The following NCALD variants were observed in gnomAD, a reference collection of about 807,000 sequenced individuals.
The protein encoded by NCALD is neurocalcin delta.
A neutral mutation model predicts 18.6 loss-of-function variants in NCALD; 10 were observed. That is an observed-to-expected ratio of 0.54 (90% CI 0.33 to 0.91). The LOEUF is 0.91. Among genes scored for constraint, NCALD ranks in the 40% least tolerant of loss-of-function variants. NCALD has a pLI of 0.03. For synonymous variants in NCALD, 88 were observed against 87.4 expected, an observed-to-expected ratio of 1.01 and a Z score of -0.04; for missense variants, 184 against 247.6, an observed-to-expected ratio of 0.74 and a Z score of 1.72.
At chr8:101,976,030 G>A (rs1820410888) in intron 2 of NCALD, among the ~76,000 whole-genome samples, 1 of 151,970 alleles carries the variant, frequency 6.6e-6, no homozygotes. Flanking sequence ...GCTTCCTCCC[G>A]CCAAGATGCC....
intron 3 of NCALD, among the ~76,000 whole-genome samples, chr8:101,897,990 T>C (rs909189968): frequency 1.3e-5 from 2 of 152,172 alleles, no homozygotes; most frequent in Non-Finnish European, 2.9e-5. Flanking sequence ...CTGATGGTTT[T>C]GTCAGGGGCT....
chr8:101,981,922 T>A (rs1245614706), intron 2 of NCALD, among the ~76,000 whole-genome samples: 1 of 152,120 alleles, frequency 6.6e-6, no homozygotes, highest in African/African-American at 2.4e-5. Context: ...TGGGTGGTGT[T>A]TGGGTCATGG....
At chr8:101,748,724 A>T (rs1283356927) in intron 1 of NCALD, among the ~76,000 whole-genome samples, 1 of 152,238 alleles carries the variant, frequency 6.6e-6, no homozygotes, top group Non-Finnish European at 1.5e-5. Context: ...TAAGTGAGTT[A>T]TGCAAGATGA....
chr8:102,019,243 T>TA (rs145681941), intron 2 of NCALD, among the ~76,000 whole-genome samples: 4,290 of 152,028 alleles, frequency 0.028, 106 homozygotes, highest in East Asian at 0.091. Flanking sequence ...AGAGCTTAAC[T>TA]AAAAAAACAA....
chr8:101,778,944 G>A (rs1482408559), intron 1 of NCALD, among the ~76,000 whole-genome samples: 2 of 152,000 alleles, frequency 1.3e-5, no homozygotes, highest in African/African-American at 4.8e-5. Flanking sequence ...AGTACAACAA[G>A]AAAATCCTAA....
Position 101,980,914 on chromosome 8 carries a change from C to A in NCALD, c.-157+39323G>T, listed in dbSNP as rs541704387. ...CTTCTAAGTCTATCCAAGTCCTACT[C>A]CTCCTTAAAAACCCAATTCAAGTTC... On this transcript the variant is annotated intron_variant, in intron 2 of 6. Coordinates refer to the NCALD transcript ENST00000311028. Among the ~76,000 whole-genome samples, 3 of 152,306 alleles carry A rather than the reference C, an allele frequency of 2.0e-5. No homozygotes were observed. The East Asian group carries it at 5.8e-4, about 29-fold the overall frequency.
chr8:101,696,782 T>A (rs1468541154), intron 2 of NCALD, among the ~76,000 whole-genome samples: 1 of 152,080 alleles, frequency 6.6e-6, no homozygotes, highest in Non-Finnish European at 1.5e-5. Flanking sequence ...CCAGAATCTC[T>A]GGGAGACAGC....
intron 4 of NCALD, among the ~76,000 whole-genome samples, chr8:101,814,992 T>A (rs941971938): frequency 6.6e-6 from 1 of 152,138 alleles, no homozygotes; most frequent in Non-Finnish European, 1.5e-5. Flanking sequence ...TAAAGAGATA[T>A]TCCATGTTTA....
chr8:102,043,516 G>A (rs889511209), intron 1 of NCALD, among the ~76,000 whole-genome samples: 2 of 151,672 alleles, frequency 1.3e-5, no homozygotes, highest in Non-Finnish European at 2.9e-5. Flanking sequence ...CTGTGGATTT[G>A]GGGGCATGGA....
intron 4 of NCALD, among the ~76,000 whole-genome samples, chr8:101,823,204 G>A (rs558712105): frequency 1.3e-5 from 2 of 152,248 alleles, no homozygotes; most frequent in African/African-American, 2.4e-5. Flanking sequence ...TAAAAATATC[G>A]TGAGCATGTA....
At chr8:102,055,635 T>C (rs1179905829) in intron 1 of NCALD, among the ~76,000 whole-genome samples, 5 of 152,230 alleles carry the variant, frequency 3.3e-5, no homozygotes, top group Admixed American at 6.5e-5. Context: ...GACTCAGACA[T>C]AGCTTGATTT....
chr8:102,004,499 T>A (rs932828053), intron 2 of NCALD, among the ~76,000 whole-genome samples: 1 of 152,178 alleles, frequency 6.6e-6, no homozygotes, highest in African/African-American at 2.4e-5. Context: ...AAGCTACCAA[T>A]GACTTTCTTC....
intron 2 of NCALD, among the ~76,000 whole-genome samples, chr8:101,941,370 G>A (rs927348658): frequency 2.6e-5 from 4 of 152,204 alleles, no homozygotes; most frequent in African/African-American, 4.8e-5. Context: ...AGGCCACTGC[G>A]GATCTGACAG....
chr8:101,923,999 G>A (rs559137666), intron 2 of NCALD, among the ~76,000 whole-genome samples: 3 of 152,078 alleles, frequency 2.0e-5, no homozygotes, highest in Non-Finnish European at 2.9e-5. Context: ...GCTGAGGCTT[G>A]GAGTCCCAAC....
intron 2 of NCALD, among the ~76,000 whole-genome samples, chr8:101,938,175 A>C (rs1818830418): frequency 6.6e-6 from 1 of 152,238 alleles, no homozygotes; most frequent in Non-Finnish European, 1.5e-5. Context: ...TTGTTTCAAG[A>C]ATCCATTATT....
intron 4 of NCALD, among the ~76,000 whole-genome samples, chr8:101,807,158 T>C (rs765607713): frequency 5.9e-5 from 9 of 152,094 alleles, no homozygotes; most frequent in Non-Finnish European, 1.3e-4. Context: ...GAAATACTAA[T>C]GGAAGTTCTT....
At chr8:101,849,124 C>T (rs951885015) in intron 4 of NCALD, among the ~76,000 whole-genome samples, 8 of 152,158 alleles carry the variant, frequency 5.3e-5, no homozygotes, top group African/African-American at 1.9e-4. Context: ...CCAAACACTG[C>T]ATGTTCTACT....
intron 1 of NCALD, among the ~76,000 whole-genome samples, chr8:102,110,679 T>C (rs978606605): frequency 1.3e-5 from 2 of 152,202 alleles, no homozygotes; most frequent in African/African-American, 2.4e-5. Flanking sequence ...GAAAAGTAAA[T>C]TGGCTTTTGC....
At chr8:102,000,624 C>T (rs1309573184) in intron 2 of NCALD, among the ~76,000 whole-genome samples, 3 of 152,200 alleles carry the variant, frequency 2.0e-5, no homozygotes, top group African/African-American at 7.2e-5. Context: ...GGAGGCATCC[C>T]CCAGTAGGAG....
Sources: gnomAD v4.1 joint callset for allele counts (sites outside exome capture counted in the v4.1 genomes callset) on GRCh38, gnomAD v4.1.1 for gene constraint, MANE v1.5 for transcripts, NCBI Gene and HGNC (gene_info 2026-07-23, HGNC 2026-07-21) for gene names.